Variants in RAPGEF2 observed in about 807,000 individuals in gnomAD.
RAPGEF2 encodes the protein Rap guanine nucleotide exchange factor 2.
Under a neutral mutation model 186.7 loss-of-function variants are expected in RAPGEF2, and 54 were observed. The observed-to-expected ratio is 0.29, with a 90% CI of 0.23 to 0.36. RAPGEF2 has a LOEUF of 0.36. Among genes scored for constraint, RAPGEF2 ranks in the 10% least tolerant of loss-of-function variants. The pLI is 1.00. For synonymous variants in RAPGEF2, 712 were observed against 705.9 expected (o/e 1.01, Z -0.14); for missense variants, 1,532 against 2,045.0 (o/e 0.75, Z 4.84).
At chr4:159,344,720 A>T (rs1006136080) in intron 23 of RAPGEF2, among the ~76,000 whole-genome samples, 4 of 152,238 alleles carry the variant, frequency 2.6e-5, no homozygotes, top group Non-Finnish European at 5.9e-5. Flanking sequence ...AAATTTATGT[A>T]TAATATCCTC....
chr4:159,287,997 A>G (rs536421541), intron 7 of RAPGEF2, among the ~76,000 whole-genome samples: 3 of 152,148 alleles, frequency 2.0e-5, no homozygotes, highest in African/African-American at 4.8e-5. Flanking sequence ...ATTTGTTCTC[A>G]CAACTGTCTT....
intron 4 of RAPGEF2, among the ~76,000 whole-genome samples, chr4:159,215,794 A>T (rs1750942532): frequency 6.6e-6 from 1 of 152,200 alleles, no homozygotes; most frequent in African/African-American, 2.4e-5. Flanking sequence ...AGGGAAATTA[A>T]TCCCAGGGTA....
Position 159,265,816 on chromosome 4 carries a change from G to A in RAPGEF2, c.543+22025G>A, listed in dbSNP as rs999546979. On this transcript the variant is annotated intron_variant, in intron 7 of 29. Transcript: ENST00000691494. ...TAATGATTGGAGTGGGATGATAACA[G>A]CAAAGACAAAGAGAAATCTAAATTT... 3.3e-5 allele frequency among the ~76,000 whole-genome samples: 5 copies of A among 152,280 alleles called. No homozygotes were observed. The East Asian group carries it at 9.6e-4, about 29-fold the overall frequency.
chr4:159,181,159 G>A (rs1401409374), intron 1 of RAPGEF2, among the ~76,000 whole-genome samples: 1 of 152,178 alleles, frequency 6.6e-6, no homozygotes, highest in Non-Finnish European at 1.5e-5. Context: ...CTTGATCAGT[G>A]AGCTAGCTTT....
rs897872314 is a variant in RAPGEF2 at position 159,164,105 on chromosome 4, C to T, written c.70-22537C>T. On this transcript the variant is annotated intron_variant, in intron 1 of 29. Coordinates refer to ENST00000691494, the MANE Select transcript of RAPGEF2 (RefSeq NM_001394067.2). ...CTGCAAGCTCCACCTCCTGGGTTCA[C>T]GCCATTCTCCTGCCTCAGCCTCCTG... Among the ~76,000 whole-genome samples the T allele has an allele frequency of 5.9e-5, 9 of 151,890 alleles. No homozygotes were observed. The East Asian group carries it at 7.8e-4, about 13-fold the overall frequency.
At position 159,353,859 on chromosome 4, in the gene RAPGEF2, G is replaced by A. The variant is rs754475763; in HGVS notation, c.4464G>A (p.Ala1488=). 2.7e-5 allele frequency: 44 copies of A among 1,614,092 alleles called. No individual in the cohort carries two copies. Among genetic ancestry groups the A allele is most frequent in the South Asian group, 4.4e-5 (4 of 91,088 alleles). The stretch of plus-strand genomic sequence containing the variant: ...AAGCCCAGTCCCGAGCAAGCTGGGC[G>A]TCTTCCACAGGTTACTGGGGAGAAG... The part of the protein sequence containing the change: ...LEQAQSRASW[A]SSTGYWGEDS... The change falls in exon 28 of 30, where the codon GCG becomes GCA. Residue 1488 remains alanine, a synonymous_variant. Transcript: ENST00000691494. This position sits in a 1 kb window ranked among gnomAD's most constrained non-coding sequence, Gnocchi z 4.3.
intron 1 of RAPGEF2, among the ~76,000 whole-genome samples, chr4:159,175,506 G>A (rs1036149072): frequency 6.6e-6 from 1 of 152,182 alleles, no homozygotes; most frequent in African/African-American, 2.4e-5. Context: ...TGCTAAGGAT[G>A]ATAGAAGTTA....
At chr4:159,148,541 T>G (rs992328701) in intron 1 of RAPGEF2, among the ~76,000 whole-genome samples, 1 of 152,222 alleles carries the variant, frequency 6.6e-6, no homozygotes, top group African/African-American at 2.4e-5. Flanking sequence ...CTTTAAATCC[T>G]TTGAAGCATC....
chr4:159,125,736 C>T (rs1477894865), intron 1 of RAPGEF2, among the ~76,000 whole-genome samples: 2 of 147,518 alleles, frequency 1.4e-5, no homozygotes, highest in African/African-American at 5.1e-5. Flanking sequence ...CCAGCCTGGG[C>T]GACAGAGTGA....
chr4:159,357,665 CCT>C (rs1228297091), intron 29 of RAPGEF2, among the ~76,000 whole-genome samples: 1 of 151,922 alleles, frequency 6.6e-6, no homozygotes, highest in Non-Finnish European at 1.5e-5. Flanking sequence ...AAACCCACAC[CCT>C]GTCTCAAAAA....
chr4:159,232,175 G>A (rs777000702), intron 4 of RAPGEF2, among the ~76,000 whole-genome samples: 32 of 152,284 alleles, frequency 2.1e-4, no homozygotes, highest in South Asian at 2.1e-4. Flanking sequence ...ATTTAAGTGT[G>A]TGTTACAGTG....
In RAPGEF2 at chr4:159,216,347, A is replaced by C. The variant is rs191823636; in HGVS notation, c.281+5764A>C. Among the ~76,000 whole-genome samples, 3 of 152,256 alleles carry C rather than the reference A, an allele frequency of 2.0e-5. No individual in the cohort carries two copies. In the East Asian group the frequency reaches 5.8e-4, roughly 29 times the overall value. ...ATGGCAAAGACCATACAGAATGCAA[A>C]ATCATTTCAAAGATGGGTATTTTAA... On this transcript the variant is annotated intron_variant, in intron 4 of 29. Transcript: ENST00000691494.
chr4:159,143,899 G>C (rs1002832594), intron 1 of RAPGEF2, among the ~76,000 whole-genome samples: 15 of 152,218 alleles, frequency 9.9e-5, no homozygotes, highest in African/African-American at 3.6e-4. Flanking sequence ...ATGTGGGGCT[G>C]TGAGAACAGA....
chr4:159,171,352 C>T (rs1745886303), intron 1 of RAPGEF2, among the ~76,000 whole-genome samples: 1 of 152,158 alleles, frequency 6.6e-6, no homozygotes, highest in East Asian at 1.9e-4. Context: ...ACTGATGATT[C>T]GCTTAGAAAA....
chr4:159,320,077 A>G (rs1275701758), intron 9 of RAPGEF2, among the ~76,000 whole-genome samples: 2 of 152,216 alleles, frequency 1.3e-5, no homozygotes, highest in African/African-American at 4.8e-5. Context: ...TTTAGCAACT[A>G]CAAGGGGTGG....
intron 3 of RAPGEF2, among the ~76,000 whole-genome samples, chr4:159,203,495 C>G (rs1749662942): frequency 6.6e-6 from 1 of 152,186 alleles, no homozygotes; most frequent in Non-Finnish European, 1.5e-5. Context: ...AAGAAAGCGA[C>G]TCACTTTCCT....
chr4:159,136,824 C>G (rs1334332254), intron 1 of RAPGEF2, among the ~76,000 whole-genome samples: 1 of 151,994 alleles, frequency 6.6e-6, no homozygotes, highest in Non-Finnish European at 1.5e-5. Flanking sequence ...GTTTGGTAAC[C>G]TTCCTTAAGG....
chr4:159,174,169 C>A (rs984079742), intron 1 of RAPGEF2, among the ~76,000 whole-genome samples: 3 of 152,210 alleles, frequency 2.0e-5, no homozygotes, highest in Non-Finnish European at 4.4e-5. Flanking sequence ...GTGAAACTTG[C>A]TTACGGGATC....
chr4:159,113,222 A>G (rs1738685455), intron 1 of RAPGEF2, among the ~76,000 whole-genome samples: 2 of 152,242 alleles, frequency 1.3e-5, no homozygotes, highest in Admixed American at 1.3e-4. Context: ...ACAAAAAAAC[A>G]TTATTAGGAT....
Sources: gnomAD v4.1 joint callset for allele counts (sites outside exome capture counted in the v4.1 genomes callset) on GRCh38, gnomAD v4.1.1 for gene constraint, Gnocchi (gnomAD v3.1) non-coding constraint, MANE v1.5 for transcripts, NCBI Gene and HGNC (gene_info 2026-07-23, HGNC 2026-07-21) for gene names.